The following ASB7 variants were observed in gnomAD, a reference collection of about 807,000 sequenced individuals.
ASB7 encodes ankyrin repeat and SOCS box containing 7.
Under a neutral mutation model 32.5 loss-of-function variants are expected in ASB7, and 4 were observed. The observed-to-expected ratio is 0.12, with a 90% CI of 0.06 to 0.28. The LOEUF (loss-of-function observed/expected upper bound fraction) is 0.28. Among genes scored for constraint, ASB7 ranks in the 10% least tolerant of loss-of-function variants. The pLI, the probability that ASB7 is intolerant of heterozygous loss-of-function variation, is 1.00. For synonymous variants in ASB7, 172 were observed against 155.6 expected (o/e 1.11, Z -0.78); for missense variants, 181 against 407.1 (o/e 0.44, Z 4.78).
chr15:100,613,717 C>G (rs1254770012), intron 4 of ASB7, among the ~76,000 whole-genome samples: 1 of 152,172 alleles, frequency 6.6e-6, no homozygotes, highest in African/African-American at 2.4e-5. Context: ...GTTTATTCCA[C>G]CTAGTCCTGT....
chr15:100,646,814 C>T lies in ASB7; in HGVS notation c.818-1509C>T, dbSNP rs182537594. 2.8e-4 allele frequency among the ~76,000 whole-genome samples: 42 copies of T among 152,278 alleles called. No individual in the cohort carries two copies. In the East Asian group the frequency reaches 7.9e-3, roughly 29 times the overall value. Reference sequence around the variant, plus strand: ...CGGACTCTGTTTTCTCTCCATGGGTCTCCTCCTGATTTTCATAATAACACT... The same window carrying T: ...CGGACTCTGTTTTCTCTCCATGGGTTTCCTCCTGATTTTCATAATAACACT... On this transcript the variant is annotated intron_variant, in intron 5 of 5. Transcript: ENST00000332783.
intron 2 of ASB7, among the ~76,000 whole-genome samples, chr15:100,606,658 T>G (rs547974274): frequency 2.6e-5 from 4 of 152,314 alleles, no homozygotes; most frequent in African/African-American, 9.6e-5. Context: ...ATTAGTAGTT[T>G]TTAATATGGT....
chr15:100,619,604 A>G (rs2039773867), intron 4 of ASB7, among the ~76,000 whole-genome samples: 1 of 152,256 alleles, frequency 6.6e-6, no homozygotes, highest in Non-Finnish European at 1.5e-5. Context: ...AATGGGACAT[A>G]GGTGTCTAAT....
At chr15:100,630,087 C>T in intron 5 of ASB7, 45 bp downstream of exon 5, 2 of 1,485,988 alleles carry the variant, frequency 1.3e-6, no homozygotes, top group Non-Finnish European at 1.8e-6. Flanking sequence ...TAAAAATTTG[C>T]ATCTTCTGAG....
chr15:100,640,016 G>A (rs1003534707), intron 5 of ASB7, among the ~76,000 whole-genome samples: 1 of 152,162 alleles, frequency 6.6e-6, no homozygotes, highest in African/African-American at 2.4e-5. Context: ...TTATTTTAAG[G>A]AGAGCTGGAA....
intron 4 of ASB7, among the ~76,000 whole-genome samples, chr15:100,614,603 G>A (rs1244321210): frequency 3.3e-5 from 5 of 151,908 alleles, no homozygotes; most frequent in Admixed American, 3.3e-4. Context: ...ATGGTGGGGG[G>A]AAAAAAAGAA....
intron 2 of ASB7, among the ~76,000 whole-genome samples, chr15:100,604,281 C>G (rs1434863734): frequency 6.6e-6 from 1 of 152,124 alleles, no homozygotes; most frequent in African/African-American, 2.4e-5. Context: ...TGAAAGTAAA[C>G]TTAGGACATT....
intron 4 of ASB7, among the ~76,000 whole-genome samples, chr15:100,618,711 A>G (rs4965685): frequency 0.37 from 56,920 of 151,964 alleles, 11,603 homozygotes; most frequent in East Asian, 0.65. Context: ...CTGATCCTTT[A>G]TAAACTATGT....
At chr15:100,630,594 A>G (rs899837654) in intron 5 of ASB7, among the ~76,000 whole-genome samples, 2 of 152,192 alleles carry the variant, frequency 1.3e-5, no homozygotes, top group African/African-American at 4.8e-5. Context: ...AAATTGTTGT[A>G]AGAAAATATT....
Position 100,609,820 on chromosome 15 carries a change from T to C in ASB7, c.-60T>C, listed in dbSNP as rs1401806701. 1.3e-5 allele frequency: 2 copies of C among 152,230 alleles called. No individual in the cohort carries two copies. 9.4% of individuals were successfully genotyped at this position (152,230 alleles called of 1,614,324 possible). On this transcript the variant is annotated 5_prime_UTR_variant, in exon 3 of 6. Transcript: ENST00000332783. ...CCGTACATCAGGAGAAGGGACACTCTTCCATAAGGCAAGTTGCCTCAGGGT... is the reference window on the plus strand; with the variant it reads ...CCGTACATCAGGAGAAGGGACACTCCTCCATAAGGCAAGTTGCCTCAGGGT...
chr15:100,636,690 C>G (rs959558786), intron 5 of ASB7, among the ~76,000 whole-genome samples: 5 of 152,184 alleles, frequency 3.3e-5, no homozygotes, highest in Non-Finnish European at 7.3e-5. Context: ...AAAATTCTTG[C>G]CACTAACCAC....
At chr15:100,645,829 C>T in intron 5 of ASB7, 1 of 1,242,346 alleles carries the variant, frequency 8.0e-7, no homozygotes, top group African/African-American at 1.5e-5. Flanking sequence ...CGCGACATCC[C>T]ACACGCTAAT....
intron 5 of ASB7, among the ~76,000 whole-genome samples, chr15:100,631,785 G>T (rs1567116395): frequency 6.6e-6 from 1 of 152,154 alleles, no homozygotes; most frequent in Non-Finnish European, 1.5e-5. Context: ...AGGATTAAAT[G>T]AGTTAATATT....
In ASB7 at chr15:100,614,964, C is replaced by T. The variant is rs1000486948; in HGVS notation, c.211+2537C>T. On this transcript the variant is annotated intron_variant, in intron 4 of 5. Coordinates refer to ENST00000332783, the MANE Select transcript of ASB7 (RefSeq NM_198243.3). ...TTTGCTCAATCATGGACCCCATTTA[C>T]AATGGTGGTCCCATAAAATTATAAT... is the stretch of plus-strand genomic sequence containing the variant. Among the ~76,000 whole-genome samples the T allele has an allele frequency of 6.6e-5, 10 of 152,146 alleles. 1 individual carries two copies. Among genetic ancestry groups the T allele is most frequent in the Non-Finnish European group, 1.5e-5 (1 of 68,036 alleles).
chr15:100,620,702 A>C (rs1174458381), intron 4 of ASB7, among the ~76,000 whole-genome samples: 1 of 152,236 alleles, frequency 6.6e-6, no homozygotes, highest in African/African-American at 2.4e-5. Flanking sequence ...CTCTATTATA[A>C]GGGTGGAAAT....
chr15:100,620,485 C>T (rs961146256), intron 4 of ASB7, among the ~76,000 whole-genome samples: 21 of 151,980 alleles, frequency 1.4e-4, no homozygotes, highest in Admixed American at 1.3e-3. Flanking sequence ...TTACTGTGGT[C>T]CGAAAATACT....
At chr15:100,635,997 A>C (rs2039920297) in intron 5 of ASB7, among the ~76,000 whole-genome samples, 1 of 151,976 alleles carries the variant, frequency 6.6e-6, no homozygotes. Flanking sequence ...TACCTTGAGG[A>C]CTTGGTGGGG....
chr15:100,631,239 G>A (rs1385004491), intron 5 of ASB7, among the ~76,000 whole-genome samples: 1 of 152,192 alleles, frequency 6.6e-6, no homozygotes, highest in African/African-American at 2.4e-5. Flanking sequence ...CAGTATAGTA[G>A]CCACTGGTCC....
intron 5 of ASB7, among the ~76,000 whole-genome samples, chr15:100,634,361 C>G (rs995237207): frequency 3.9e-5 from 6 of 152,310 alleles, no homozygotes; most frequent in Non-Finnish European, 7.3e-5. Flanking sequence ...ATCGGCACAA[C>G]TGCAATTTTG....
Sources: allele counts gnomAD v4.1 joint callset (sites outside exome capture counted in the v4.1 genomes callset), GRCh38; gene constraint gnomAD v4.1.1; transcripts MANE v1.5; gene names NCBI Gene and HGNC (gene_info 2026-07-23, HGNC 2026-07-21).